Variants in TENM2 observed in about 807,000 individuals in gnomAD.
TENM2 encodes the protein teneurin transmembrane protein 2, also known as teneurin-2.
In TENM2, 52 loss-of-function variants were observed where a neutral mutation model predicts 245.2. The observed-to-expected ratio is 0.21, with a 90% CI of 0.17 to 0.27. TENM2 has a LOEUF of 0.27. TENM2 is among the 10% of genes least tolerant of loss of function. The pLI is 1.00. For synonymous variants in TENM2, 1,363 were observed against 1,438.9 expected (o/e 0.95, Z 1.19); for missense variants, 3,046 against 3,666.8 (o/e 0.83, Z 4.37).
chr5:167,452,324 T>C (rs1765635323), intron 2 of TENM2, among the ~76,000 whole-genome samples: 1 of 152,188 alleles, frequency 6.6e-6, no homozygotes, highest in Admixed American at 6.5e-5. Context: ...TATGGCTCTC[T>C]TGTCTTCTCT....
In TENM2 at chr5:167,455,982, T is replaced by A. The variant is rs535405231; in HGVS notation, c.502+80509T>A. Among the ~76,000 whole-genome samples the A allele has an allele frequency of 7.2e-5, 11 of 152,304 alleles. No individual in the cohort carries two copies. The South Asian group carries it at 2.3e-3, about 32-fold the overall frequency. ...GAGGTTCAAAAGAGCAACAAAATCA[T>A]GAATTTTGAATGAATTTTGAGAGGT... On this transcript the variant is annotated intron_variant, in intron 2 of 28. Coordinates refer to ENST00000518659, the Ensembl canonical transcript of TENM2.
At chr5:168,139,891 T>C (rs908826210) in intron 12 of TENM2, among the ~76,000 whole-genome samples, 1 of 152,230 alleles carries the variant, frequency 6.6e-6, no homozygotes. Flanking sequence ...ATATTTGGAT[T>C]GTTATGTATG....
At chr5:167,362,328 AGGC>A (rs1409103882) in intron 1 of TENM2, among the ~76,000 whole-genome samples, 2 of 152,206 alleles carry the variant, frequency 1.3e-5, no homozygotes, top group Non-Finnish European at 2.9e-5. Flanking sequence ...ATTGGTGATG[AGGC>A]AGTTGATTTA....
chr5:167,088,619 C>T, the TENM2 span, among the ~76,000 whole-genome samples: 20 of 150,248 alleles, frequency 1.3e-4, no homozygotes, highest in African/African-American at 4.6e-4. Context: ...AAGAGCGAGA[C>T]TCCATCTTTT....
chr5:167,755,036 C>A (rs1173236101), intron 2 of TENM2: 19 of 1,590,252 alleles, frequency 1.2e-5, no homozygotes, highest in Non-Finnish European at 1.4e-5. Context: ...AAGAGCGGCC[C>A]ACTCCCAGCT....
At chr5:167,857,313 G>A (rs996812921) in intron 2 of TENM2, among the ~76,000 whole-genome samples, 11 of 152,082 alleles carry the variant, frequency 7.2e-5, no homozygotes, top group African/African-American at 2.7e-4. Flanking sequence ...TTTTTCATAG[G>A]ACATGGCTAA....
intron 2 of TENM2, among the ~76,000 whole-genome samples, chr5:167,578,740 CAGTT>C (rs1420452205): frequency 1.3e-5 from 2 of 152,132 alleles, no homozygotes; most frequent in African/African-American, 4.8e-5. Flanking sequence ...CCTGTGTTGT[CAGTT>C]ACTTTCTATA....
chr5:167,957,543 C>T (rs1177827311), intron 4 of TENM2, among the ~76,000 whole-genome samples: 1 of 152,128 alleles, frequency 6.6e-6, no homozygotes, highest in Non-Finnish European at 1.5e-5. Flanking sequence ...TCTTGCTTCT[C>T]TAGTTCTTTG....
chr5:167,585,096 C>T (rs1775393008), intron 2 of TENM2, among the ~76,000 whole-genome samples: 1 of 152,188 alleles, frequency 6.6e-6, no homozygotes, highest in South Asian at 2.1e-4. Flanking sequence ...TCATTAACCT[C>T]TGTGTTTGTT....
chr5:167,919,283 G>A (rs899069826), intron 3 of TENM2, among the ~76,000 whole-genome samples: 12 of 152,140 alleles, frequency 7.9e-5, no homozygotes, highest in Non-Finnish European at 1.2e-4. Flanking sequence ...TTGTGCTGTC[G>A]AGAGTGTGGT....
chr5:167,329,566 A>AC (rs1205658459), intron 1 of TENM2, among the ~76,000 whole-genome samples: 1 of 149,276 alleles, frequency 6.7e-6, no homozygotes, highest in Admixed American at 6.7e-5. Context: ...AAAAAAAAAA[A>AC]AAAAAAAAAA....
At chr5:167,117,708 C>A in the TENM2 span, among the ~76,000 whole-genome samples, 1 of 152,100 alleles carries the variant, frequency 6.6e-6, no homozygotes, top group Non-Finnish European at 1.5e-5. Context: ...TCAACACCAG[C>A]ATTATTACCA....
chr5:167,819,092 G>A (rs996943784), intron 2 of TENM2, among the ~76,000 whole-genome samples: 9 of 151,872 alleles, frequency 5.9e-5, no homozygotes, highest in East Asian at 1.9e-4. Flanking sequence ...GTGCGTGCGC[G>A]TTCTCTAATG....
intron 3 of TENM2, among the ~76,000 whole-genome samples, chr5:167,914,652 C>T (rs757384714): frequency 7.9e-5 from 12 of 152,184 alleles, no homozygotes; most frequent in Non-Finnish European, 1.2e-4. Flanking sequence ...TTTGTTGTCT[C>T]ACAGGTCTAG....
the TENM2 span, among the ~76,000 whole-genome samples, chr5:167,243,108 C>A: frequency 1.3e-5 from 2 of 151,434 alleles, no homozygotes; most frequent in Admixed American, 6.6e-5. Flanking sequence ...GGATAAAATT[C>A]GCATCTTACA....
chr5:167,856,697 C>T (rs778524624), intron 2 of TENM2, among the ~76,000 whole-genome samples: 10 of 152,146 alleles, frequency 6.6e-5, no homozygotes, highest in East Asian at 3.9e-4. Context: ...CTTTTCCCCA[C>T]GGGGCTGTGA....
chr5:167,694,275 C>A (rs1374926611), intron 2 of TENM2, among the ~76,000 whole-genome samples: 1 of 152,048 alleles, frequency 6.6e-6, no homozygotes, highest in Non-Finnish European at 1.5e-5. Context: ...GTTGGAAGCA[C>A]CTGGGGATCT....
chr5:167,788,283 G>A (rs1297197610), intron 2 of TENM2, among the ~76,000 whole-genome samples: 1 of 152,102 alleles, frequency 6.6e-6, no homozygotes, highest in Non-Finnish European at 1.5e-5. Flanking sequence ...ACAGAAAATG[G>A]TCTCAGCACA....
intron 9 of TENM2, among the ~76,000 whole-genome samples, chr5:168,118,071 G>A (rs985175003): frequency 3.9e-5 from 6 of 152,170 alleles, no homozygotes; most frequent in African/African-American, 9.7e-5. Context: ...TTTCTATACC[G>A]TGCCCAGCAC....
Sources: gnomAD v4.1 joint callset for allele counts (sites outside exome capture counted in the v4.1 genomes callset) on GRCh38, gnomAD v4.1.1 for gene constraint, MANE v1.5 for transcripts, NCBI Gene and HGNC (gene_info 2026-07-23, HGNC 2026-07-21) for gene names.